KCNQ5: variants seen among roughly 807,000 people sequenced by gnomAD.
KCNQ5 encodes potassium voltage-gated channel subfamily Q member 5.
In KCNQ5, 30 loss-of-function variants were observed where a neutral mutation model predicts 98.2. The ratio of observed to expected loss-of-function variants is 0.31; its 90% CI spans 0.23 to 0.41. The LOEUF is 0.41. Ranked by LOEUF, KCNQ5 falls within the 10% of genes least tolerant of loss-of-function variation. The pLI is 1.00. For synonymous variants in KCNQ5, 458 were observed against 449.4 expected, an observed-to-expected ratio of 1.02 and a Z score of -0.24; for missense variants, 835 against 1,182.5, an observed-to-expected ratio of 0.71 and a Z score of 4.31.
intron 1 of KCNQ5, among the ~76,000 whole-genome samples, chr6:72,717,522 G>T (rs993840266): frequency 2.6e-5 from 4 of 152,188 alleles, no homozygotes; most frequent in Non-Finnish European, 4.4e-5. Context: ...AACATATCAT[G>T]AGAGAACATT....
chr6:72,707,164 C>T (rs780356024), intron 1 of KCNQ5, among the ~76,000 whole-genome samples: 37 of 152,162 alleles, frequency 2.4e-4, no homozygotes, highest in Admixed American at 6.5e-5. Flanking sequence ...ATTCACAAAG[C>T]CACCTGCTTT....
chr6:72,734,893 T>C (rs111806728), intron 1 of KCNQ5, among the ~76,000 whole-genome samples: 5,222 of 152,290 alleles, frequency 0.034, 284 homozygotes, highest in African/African-American at 0.12. Context: ...TTAACTCTAC[T>C]TCTATGATTC....
chr6:72,638,528 T>G (rs1010884735), intron 1 of KCNQ5, among the ~76,000 whole-genome samples: 4 of 152,172 alleles, frequency 2.6e-5, no homozygotes, highest in African/African-American at 7.2e-5. Flanking sequence ...CACGTTGTAC[T>G]GGAGAAGACA....
chr6:72,683,790 T>G (rs1381215064), intron 1 of KCNQ5, among the ~76,000 whole-genome samples: 3 of 152,312 alleles, frequency 2.0e-5, no homozygotes, highest in Admixed American at 2.0e-4. Flanking sequence ...TGTAACTGCT[T>G]ACCAACTTAC....
intron 10 of KCNQ5, among the ~76,000 whole-genome samples, chr6:73,150,491 T>TATA: frequency 7.5e-6 from 1 of 132,958 alleles, no homozygotes; most frequent in African/African-American, 3.2e-5. Context: ...TTATATTACA[T>TATA]ATAATATATT....
rs1482000257 is a variant in KCNQ5 at position 73,111,453 on chromosome 6, T to C, written c.1125+50T>C. 8.5e-6 allele frequency: 10 copies of C among 1,183,142 alleles called. No individual in the cohort carries two copies. The East Asian group carries it at 1.9e-4, about 22-fold the overall frequency. 73.3% of individuals were successfully genotyped at this position (1,183,142 alleles called of 1,614,324 possible). ...TGGCAACATTTGTGTCCATAGTGCT[T>C]GATGGGTCATTTTCCAATCTCTGTG... On this transcript the variant is annotated intron_variant, in intron 7 of 13. Transcript: ENST00000370398.
chr6:73,116,239 T>C (rs1006270285), intron 7 of KCNQ5, among the ~76,000 whole-genome samples: 3 of 152,156 alleles, frequency 2.0e-5, no homozygotes, highest in Non-Finnish European at 2.9e-5. Flanking sequence ...GATATTAAAA[T>C]GTTGATAGGA....
At chr6:73,162,178 C>T (rs765931406) in intron 10 of KCNQ5, among the ~76,000 whole-genome samples, 1 of 151,912 alleles carries the variant, frequency 6.6e-6, no homozygotes, top group Non-Finnish European at 1.5e-5. Flanking sequence ...CCACCTGCCT[C>T]AGCCTCTGAA....
At chr6:72,682,920 T>C (rs536614843) in intron 1 of KCNQ5, among the ~76,000 whole-genome samples, 2 of 152,274 alleles carry the variant, frequency 1.3e-5, no homozygotes, top group East Asian at 1.9e-4. Context: ...TACGTTTTTA[T>C]GTTGAAAAGA....
chr6:72,683,056 A>G (rs1376019938), intron 1 of KCNQ5, among the ~76,000 whole-genome samples: 2 of 152,186 alleles, frequency 1.3e-5, no homozygotes, highest in Non-Finnish European at 2.9e-5. Context: ...CTTGGCCTGG[A>G]TGCAGAGGAT....
At chr6:73,174,475 G>A (rs1778139602) in intron 11 of KCNQ5, among the ~76,000 whole-genome samples, 1 of 152,188 alleles carries the variant, frequency 6.6e-6, no homozygotes. Flanking sequence ...GGTCATGCCT[G>A]CTATGTTTCA....
chr6:72,624,490 A>G (rs1181901969), intron 1 of KCNQ5, among the ~76,000 whole-genome samples: 2 of 152,220 alleles, frequency 1.3e-5, no homozygotes, highest in African/African-American at 4.8e-5. Flanking sequence ...GTTCTTGAAC[A>G]TGAATGAGAA....
chr6:72,820,428 C>T (rs1775699297), intron 1 of KCNQ5, among the ~76,000 whole-genome samples: 1 of 152,026 alleles, frequency 6.6e-6, no homozygotes, highest in Non-Finnish European at 1.5e-5. Flanking sequence ...ATTGAGGACA[C>T]TAACAAATCT....
intron 1 of KCNQ5, among the ~76,000 whole-genome samples, chr6:72,650,015 T>C (rs1011751799): frequency 6.6e-6 from 1 of 152,146 alleles, no homozygotes; most frequent in Non-Finnish European, 1.5e-5. Flanking sequence ...ACTCATTATT[T>C]ACACAGCTAA....
chr6:72,705,188 G>A (rs369081973), intron 1 of KCNQ5, among the ~76,000 whole-genome samples: 5 of 152,242 alleles, frequency 3.3e-5, no homozygotes, highest in Admixed American at 2.0e-4. Context: ...ACCATGGGGC[G>A]TACTAAATAA....
In KCNQ5 at chr6:73,195,587, T is replaced by C. The variant is rs994859435; in HGVS notation, c.*173T>C. On this transcript the variant is annotated 3_prime_UTR_variant, in exon 14 of 14. Transcript: ENST00000370398. ...ATGAAAATGCATGTTTAGGGATGGC[T>C]AAAATTCCAAGGTGCATCGACATTA... is the stretch of plus-strand genomic sequence containing the variant. 8 of 825,018 alleles carry C rather than the reference T, an allele frequency of 9.7e-6. No individual in the cohort carries two copies. The highest frequency in any genetic ancestry group is 2.9e-5 in the Admixed American group (1 of 34,800). 51.1% of individuals were successfully genotyped at this position (825,018 alleles called of 1,614,324 possible).
At chr6:73,175,508 A>G (rs1778180142) in intron 11 of KCNQ5, among the ~76,000 whole-genome samples, 1 of 152,064 alleles carries the variant, frequency 6.6e-6, no homozygotes, top group Admixed American at 6.5e-5. Flanking sequence ...TTCCAAGTAA[A>G]TCTCACCTCT....
intron 1 of KCNQ5, among the ~76,000 whole-genome samples, chr6:72,907,410 T>C (rs568347035): frequency 6.6e-6 from 1 of 152,342 alleles, no homozygotes; most frequent in South Asian, 2.1e-4. Flanking sequence ...AGGTTTATTA[T>C]TTACAACTAG....
intron 1 of KCNQ5, among the ~76,000 whole-genome samples, chr6:72,675,899 T>C (rs1767383020): frequency 6.6e-6 from 1 of 152,334 alleles, no homozygotes; most frequent in African/African-American, 2.4e-5. Flanking sequence ...CTGAACATTT[T>C]AACCTAGTTT....
Sources: allele counts gnomAD v4.1 joint callset (sites outside exome capture counted in the v4.1 genomes callset), GRCh38; gene constraint gnomAD v4.1.1; transcripts MANE v1.5; gene names NCBI Gene and HGNC (gene_info 2026-07-23, HGNC 2026-07-21).